ANXA8: variants seen among roughly 807,000 people sequenced by gnomAD.
ANXA8 encodes annexin A8, also known as VAC-beta.
A neutral mutation model predicts 26.8 loss-of-function variants in ANXA8; 9 were observed. That is an observed-to-expected ratio of 0.34 (90% CI 0.20 to 0.59). The LOEUF is 0.59. Ranked by LOEUF, ANXA8 falls within the 20% of genes least tolerant of loss-of-function variation. ANXA8 has a pLI of 0.84. For missense variants in ANXA8, 83 were observed against 238.5 expected (o/e 0.35, Z 4.29); for synonymous variants, 39 against 94.8 (o/e 0.41, Z 3.42).
the ANXA8 span, among the ~76,000 whole-genome samples, chr10:47,517,351 C>T: frequency 1.1e-5 from 1 of 91,316 alleles, no homozygotes; most frequent in Non-Finnish European, 2.0e-5. Context: ...TGGCTCACTG[C>T]AACCTCCGCC....
At chr10:47,473,889 G>A (rs1287806831) in intron 9 of ANXA8, 81 bp downstream of exon 9, 105,366 of 300,480 alleles carry the variant, frequency 0.35, 2,712 homozygotes, top group Admixed American at 0.41. Context: ...TCTTGTGGTC[G>A]CATCCCTAGG....
the ANXA8 span, chr10:47,565,702 T>G: frequency 1.9e-5 from 9 of 479,918 alleles, no homozygotes; most frequent in Non-Finnish European, 2.7e-5. Flanking sequence ...CTCGACTCCC[T>G]GAAGCGTCCT....
the ANXA8 span, among the ~76,000 whole-genome samples, chr10:47,940,374 G>T: frequency 6.8e-6 from 1 of 146,682 alleles, no homozygotes; most frequent in Non-Finnish European, 1.5e-5. Flanking sequence ...TCCAACAGGG[G>T]ACCAGGGAGG....
the ANXA8 span, among the ~76,000 whole-genome samples, chr10:47,744,140 G>T: frequency 6.7e-6 from 1 of 148,382 alleles, no homozygotes; most frequent in Non-Finnish European, 1.5e-5. Context: ...TGAATGCACA[G>T]CCTCCCCGGT....
chr10:47,988,864 C>T, the ANXA8 span, among the ~76,000 whole-genome samples: 3 of 151,724 alleles, frequency 2.0e-5, no homozygotes, highest in Non-Finnish European at 4.4e-5. Flanking sequence ...TTGTTGAAAG[C>T]CTGCTATCTA....
the ANXA8 span, chr10:47,565,097 C>A: frequency 1.7e-5 from 13 of 757,222 alleles, 1 homozygote; most frequent in South Asian, 1.4e-4. Flanking sequence ...GAAGGACCAG[C>A]GCCCGTCCAT....
At chr10:47,694,223 T>G in the ANXA8 span, among the ~76,000 whole-genome samples, 1 of 151,556 alleles carries the variant, frequency 6.6e-6, no homozygotes, top group Non-Finnish European at 1.5e-5. Context: ...ATCAGATTTT[T>G]TTTGTCTTTT....
chr10:47,704,775 C>T, the ANXA8 span, among the ~76,000 whole-genome samples: 1 of 151,852 alleles, frequency 6.6e-6, no homozygotes, highest in South Asian at 2.1e-4. Context: ...TCATTGACAA[C>T]AATATTATTT....
the ANXA8 span, among the ~76,000 whole-genome samples, chr10:47,599,377 G>A: frequency 1.9e-4 from 28 of 146,338 alleles, 2 homozygotes; most frequent in African/African-American, 7.0e-4. Context: ...GACAAGAGAG[G>A]AAAATGGATA....
chr10:47,669,245 G>A, the ANXA8 span, among the ~76,000 whole-genome samples: 1 of 151,088 alleles, frequency 6.6e-6, no homozygotes, highest in Non-Finnish European at 1.5e-5. Flanking sequence ...TCTTTATTTA[G>A]TGCTCCCTTC....
chr10:47,957,137 G>T, the ANXA8 span, among the ~76,000 whole-genome samples: 1 of 150,164 alleles, frequency 6.7e-6, no homozygotes, highest in Non-Finnish European at 1.5e-5. Context: ...TTGGCAGTGA[G>T]TGGGCCACTG....
chr10:47,490,969 A>C, the ANXA8 span, among the ~76,000 whole-genome samples: 1 of 15,868 alleles, frequency 6.3e-5, no homozygotes, highest in East Asian at 2.4e-3. Flanking sequence ...GCCTGGCCAA[A>C]ATGGCGAAAC....
the ANXA8 span, among the ~76,000 whole-genome samples, chr10:47,730,757 A>G: frequency 1.3e-5 from 2 of 148,672 alleles, no homozygotes; most frequent in Non-Finnish European, 3.0e-5. Context: ...CAGGCATCGT[A>G]CTAAGTATGG....
At chr10:47,644,889 GTAAGTA>G in the ANXA8 span, among the ~76,000 whole-genome samples, 2 of 151,150 alleles carry the variant, frequency 1.3e-5, no homozygotes, top group African/African-American at 4.9e-5. Flanking sequence ...TTAGTAATAT[GTAAGTA>G]TATCAATTAA....
chr10:47,769,783 G>A, the ANXA8 span, among the ~76,000 whole-genome samples: 24 of 152,398 alleles, frequency 1.6e-4, no homozygotes, highest in African/African-American at 3.6e-4. Flanking sequence ...TCCCTGTACC[G>A]GTATTGTACT....
chr10:47,743,281 C>CAA, the ANXA8 span, among the ~76,000 whole-genome samples: 1 of 64,714 alleles, frequency 1.5e-5, no homozygotes, highest in Non-Finnish European at 3.4e-5. Flanking sequence ...TATATATACA[C>CAA]ACATATATAT....
the ANXA8 span, among the ~76,000 whole-genome samples, chr10:47,683,297 T>C: frequency 6.7e-6 from 1 of 150,254 alleles, no homozygotes; most frequent in Non-Finnish European, 1.5e-5. Context: ...GGCGCAATCT[T>C]GGCTCACTGC....
the ANXA8 span, among the ~76,000 whole-genome samples, chr10:47,624,176 AGC>A: frequency 1.1e-5 from 1 of 95,090 alleles, no homozygotes; most frequent in Non-Finnish European, 2.2e-5. Flanking sequence ...CAGGAGGCAG[AGC>A]TTGCAGTGAG....
chr10:47,488,767 G>T (rs1435982030), upstream of ANXA8, among the ~76,000 whole-genome samples: 1 of 108,006 alleles, frequency 9.3e-6, no homozygotes, highest in Non-Finnish European at 1.7e-5. Flanking sequence ...TCACACTGTC[G>T]CCCAGGCTGG....
Sources: allele counts gnomAD v4.1 joint callset (sites outside exome capture counted in the v4.1 genomes callset), GRCh38; gene constraint gnomAD v4.1.1; transcripts MANE v1.5; gene names NCBI Gene and HGNC (gene_info 2026-07-23, HGNC 2026-07-21).